GLIS3: variants seen among roughly 807,000 people sequenced by gnomAD.
The protein encoded by GLIS3 is zinc finger protein GLIS3.
GLIS3 carries 53 observed loss-of-function variants against 78.6 expected under a neutral mutation model. The observed-to-expected ratio is 0.67, with a 90% CI of 0.54 to 0.85. The LOEUF is 0.85. GLIS3 is among the 40% of genes least tolerant of loss of function. The pLI is 0.00. For synonymous variants in GLIS3, 684 were observed against 509.9 expected (o/e 1.34, Z -4.60); for missense variants, 1,703 against 1,231.1 (o/e 1.38, Z -5.74).
At chr9:3,919,263 G>C (rs1466225674) in intron 6 of GLIS3, among the ~76,000 whole-genome samples, 1 of 152,180 alleles carries the variant, frequency 6.6e-6, no homozygotes, top group Non-Finnish European at 1.5e-5. Context: ...AGTCAGAATG[G>C]TAAAGCCAAA....
chr9:4,195,562 G>A (rs899389738), intron 2 of GLIS3, among the ~76,000 whole-genome samples: 4 of 152,226 alleles, frequency 2.6e-5, no homozygotes, highest in Non-Finnish European at 2.9e-5. Context: ...CCTGCAGCCC[G>A]CCATGCCCGA....
At chr9:3,945,404 T>C (rs976833859) in intron 4 of GLIS3, among the ~76,000 whole-genome samples, 8 of 152,194 alleles carry the variant, frequency 5.3e-5, no homozygotes, top group African/African-American at 1.9e-4. Context: ...AATTCCCTCC[T>C]CCATGAATGG....
chr9:4,378,498 T>C, the GLIS3 span, among the ~76,000 whole-genome samples: 2 of 152,194 alleles, frequency 1.3e-5, no homozygotes, highest in Non-Finnish European at 2.9e-5. Context: ...GGCCTTAAAA[T>C]ATGTTTATAC....
chr9:4,341,804 C>CT (rs1318580937), intron 2 of GLIS3, among the ~76,000 whole-genome samples: 2 of 152,044 alleles, frequency 1.3e-5, no homozygotes, highest in East Asian at 1.9e-4. Context: ...GGGATCTCCG[C>CT]TTTTTTTTCT....
intron 2 of GLIS3, among the ~76,000 whole-genome samples, chr9:4,318,903 A>G (rs1012477064): frequency 2.0e-5 from 3 of 152,234 alleles, no homozygotes; most frequent in African/African-American, 7.2e-5. Context: ...CATCAAAGTG[A>G]CATCATGTGC....
At chr9:4,368,544 G>T in the GLIS3 span, among the ~76,000 whole-genome samples, 1,212 of 152,156 alleles carry the variant, frequency 8.0e-3, 17 homozygotes, top group African/African-American at 0.028. Flanking sequence ...CTAGAGACGG[G>T]GTTTCACCGT....
intron 2 of GLIS3, among the ~76,000 whole-genome samples, chr9:4,225,046 C>A (rs1313198484): frequency 1.3e-5 from 2 of 151,732 alleles, no homozygotes; most frequent in African/African-American, 4.8e-5. Context: ...TCTCATTTGA[C>A]TTGCACAATA....
intron 2 of GLIS3, among the ~76,000 whole-genome samples, chr9:4,323,117 C>T (rs1001219602): frequency 6.6e-6 from 1 of 152,280 alleles, no homozygotes. Flanking sequence ...GATCCAGTTT[C>T]AGCCTTCTAC....
At chr9:4,356,625 A>G in the GLIS3 span, among the ~76,000 whole-genome samples, 1 of 152,230 alleles carries the variant, frequency 6.6e-6, no homozygotes, top group Non-Finnish European at 1.5e-5. Flanking sequence ...TACAAAGGGA[A>G]CACAGCAGAT....
At chr9:4,006,572 C>CA (rs1194308980) in intron 4 of GLIS3, among the ~76,000 whole-genome samples, 3 of 152,148 alleles carry the variant, frequency 2.0e-5, no homozygotes, top group East Asian at 3.9e-4. Flanking sequence ...GACGACCAAA[C>CA]ACCTAGCCCT....
intron 4 of GLIS3, among the ~76,000 whole-genome samples, chr9:3,990,394 T>G (rs986689724): frequency 2.6e-5 from 4 of 152,198 alleles, no homozygotes; most frequent in Non-Finnish European, 5.9e-5. Flanking sequence ...GCATGTTTTC[T>G]TCACCAAAGA....
intron 4 of GLIS3, among the ~76,000 whole-genome samples, chr9:4,039,915 A>G (rs1005884495): frequency 1.7e-4 from 26 of 152,232 alleles, no homozygotes; most frequent in Non-Finnish European, 3.4e-4. Context: ...GACAAGGCCA[A>G]TGGGTCAATG....
At chr9:4,331,495 T>G (rs941441001) in intron 2 of GLIS3, among the ~76,000 whole-genome samples, 10 of 152,176 alleles carry the variant, frequency 6.6e-5, no homozygotes, top group Non-Finnish European at 1.3e-4. Context: ...CAACTTCCCT[T>G]TCTCTCCCAT....
In GLIS3 at chr9:3,827,966, G is replaced by GA; in HGVS notation, c.*305_*306insT. ...TTCATATGCACATCATTTCACTGGG[G>GA]TCCTTTAAGGGTTGACAGCCAGGAA... is the stretch of plus-strand genomic sequence containing the variant. On this transcript the variant is annotated 3_prime_UTR_variant, in exon 11 of 11. Coordinates refer to ENST00000381971, the MANE Select transcript of GLIS3 (RefSeq NM_001042413.2). The GA allele has an allele frequency of 2.4e-6, 1 of 416,552 alleles. No homozygotes were observed. The highest frequency in any genetic ancestry group is 5.1e-5 in the East Asian group (1 of 19,506). 25.8% of individuals were successfully genotyped at this position (416,552 alleles called of 1,614,324 possible). A position where few individuals can be genotyped will look rare whatever the true frequency, so the allele number is the denominator to read the frequency against.
At chr9:4,374,603 C>G in the GLIS3 span, among the ~76,000 whole-genome samples, 32 of 150,412 alleles carry the variant, frequency 2.1e-4, no homozygotes, top group Admixed American at 4.6e-4. Flanking sequence ...CCCCTTCCTC[C>G]TCTGTGTGGT....
rs1226736845 is a variant in GLIS3, at chr9:3,967,040, A to AAAAAAAAAG, written c.1711-29852_1711-29851insCTTTTTTTT. ...AAAAAAAAAAAAAAAAAAACAAAAA[A>AAAAAAAAAG]ACATTTTGAGGATTTCTCAATCAGG... On this transcript the variant is annotated intron_variant, in intron 4 of 10. Coordinates refer to ENST00000381971, the MANE Select transcript of GLIS3 (RefSeq NM_001042413.2). Among the ~76,000 whole-genome samples, 16 of 129,626 alleles carry AAAAAAAAAG rather than the reference A, an allele frequency of 1.2e-4. 3 individuals are homozygous for AAAAAAAAAG. Among genetic ancestry groups the AAAAAAAAAG allele is most frequent in the Non-Finnish European group, 1.6e-4 (10 of 61,364 alleles). 85.0% of individuals were successfully genotyped at this position (129,626 alleles called of 152,430 possible).
At chr9:3,970,091 T>A (rs1254844676) in intron 4 of GLIS3, among the ~76,000 whole-genome samples, 2 of 152,204 alleles carry the variant, frequency 1.3e-5, no homozygotes, top group Non-Finnish European at 2.9e-5. Flanking sequence ...TCTGCCTAAA[T>A]GCAAAAGTCT....
At chr9:3,994,950 G>C (rs1820626232) in intron 4 of GLIS3, among the ~76,000 whole-genome samples, 1 of 152,218 alleles carries the variant, frequency 6.6e-6, no homozygotes, top group Non-Finnish European at 1.5e-5. Context: ...CAGAGAGCAA[G>C]AGTTGGGGCT....
intron 4 of GLIS3, among the ~76,000 whole-genome samples, chr9:3,983,964 A>G (rs899173877): frequency 1.3e-5 from 2 of 152,268 alleles, no homozygotes; most frequent in African/African-American, 4.8e-5. Context: ...CCCAAAGACA[A>G]TGGGGAAAAT....
Sources: gnomAD v4.1 joint callset for allele counts (sites outside exome capture counted in the v4.1 genomes callset) on GRCh38, gnomAD v4.1.1 for gene constraint, MANE v1.5 for transcripts, NCBI Gene and HGNC (gene_info 2026-07-23, HGNC 2026-07-21) for gene names.